The following ARHGEF18 variants were observed in gnomAD, a reference collection of about 807,000 sequenced individuals.
The protein encoded by ARHGEF18 is Rho/Rac guanine nucleotide exchange factor 18.
A neutral mutation model predicts 155.7 loss-of-function variants in ARHGEF18; 93 were observed. The ratio of observed to expected loss-of-function variants is 0.60; its 90% CI spans 0.50 to 0.71. The LOEUF (loss-of-function observed/expected upper bound fraction) is 0.71. ARHGEF18 is among the 30% of genes least tolerant of loss of function. ARHGEF18 has a pLI of 0.00. For missense variants in ARHGEF18, 1,593 were observed against 1,816.1 expected, an observed-to-expected ratio of 0.88 and a Z score of 2.23; for synonymous variants, 742 against 753.1, an observed-to-expected ratio of 0.99 and a Z score of 0.24.
chr19:7,364,342 A>AG (rs1378187510), intron 2 of ARHGEF18, among the ~76,000 whole-genome samples: 6 of 106,846 alleles, frequency 5.6e-5, no homozygotes, highest in African/African-American at 2.1e-4. Context: ...GATGAGAGGA[A>AG]GAAAGGAAGG....
In ARHGEF18 at chr19:7,436,820, G is replaced by T. The variant is rs1038578819; in HGVS notation, c.968-3524G>T. Among the ~76,000 whole-genome samples, 4 of 152,118 alleles carry T rather than the reference G, an allele frequency of 2.6e-5. No homozygotes were observed. In the East Asian group the frequency reaches 7.7e-4, roughly 29 times the overall value. On this transcript the variant is annotated intron_variant, in intron 10 of 28. Coordinates refer to ENST00000668164, the MANE Select transcript of ARHGEF18 (RefSeq NM_001367823.1). ...CCTGTCCTGGACCGTGTCGCCTTTG[G>T]TTTAGGATTCCTGTTTTTTTACATA...
At chr19:7,439,446 C>T (rs930476979) in intron 10 of ARHGEF18, among the ~76,000 whole-genome samples, 4 of 152,080 alleles carry the variant, frequency 2.6e-5, no homozygotes, top group Non-Finnish European at 4.4e-5. Flanking sequence ...GTGAGACTGT[C>T]TCTAAAAATA....
Position 7,470,153 on chromosome 19 carries a change from C to T in ARHGEF18, c.3941C>T (p.Pro1314Leu), listed in dbSNP as rs766327410. The T allele has an allele frequency of 6.8e-6, 11 of 1,609,088 alleles. No homozygotes were observed. Among genetic ancestry groups the T allele is most frequent in the Admixed American group, 3.4e-5 (2 of 59,628 alleles). ...PDPGFPAPSP[P>L]PADSPSEGFS... ...CCTGGCTTCCCCGCCCCGAGCCCAC[C>T]GCCAGCTGACAGCCCCTCCGAGGGC... The change falls in exon 29 of 29, where the codon CCG becomes CTG. Residue 1314 changes from proline (P) to leucine (L), a missense_variant. Physicochemically the swap from Pro to Leu is moderately conservative, Grantham distance 98. Transcript: ENST00000668164. This position sits in a 1 kb window ranked among gnomAD's most constrained non-coding sequence, Gnocchi z 5.9.
chr19:7,445,144 A>G (rs1027880865), intron 14 of ARHGEF18, among the ~76,000 whole-genome samples: 1 of 152,080 alleles, frequency 6.6e-6, no homozygotes, highest in African/African-American at 2.4e-5. Context: ...TATGCTTTCA[A>G]CCGTTCAAAG....
Position 7,471,727 on chromosome 19 carries a change from T to G in ARHGEF18, c.*1429T>G, listed in dbSNP as rs1028362405. ...GAAACTCCATCAGGAAGTGCTCCCC[T>G]GGGCAGAGGCGCCCACTGGGTGCTG... On this transcript the variant is annotated 3_prime_UTR_variant, in exon 29 of 29. Coordinates refer to ENST00000668164, the MANE Select transcript of ARHGEF18 (RefSeq NM_001367823.1). The surrounding 1 kb of genome is among the most constrained non-coding windows in gnomAD (Gnocchi z 4.4). 5 of 152,252 alleles carry G rather than the reference T, an allele frequency of 3.3e-5. No homozygotes were observed. Among genetic ancestry groups the G allele is most frequent in the Non-Finnish European group, 7.3e-5 (5 of 68,090 alleles). The allele number at this position is 152,252 out of a possible 1,614,324, so 9.4% of individuals were successfully genotyped here. A position where few individuals can be genotyped will look rare whatever the true frequency, so the allele number is the denominator to read the frequency against.
At position 7,444,122 on chromosome 19, in the gene ARHGEF18, G is replaced by A. The variant is rs1974841937; in HGVS notation, c.1361-82G>A. 3.2e-6 allele frequency: 5 copies of A among 1,556,126 alleles called. No individual in the cohort carries two copies. The highest frequency in any genetic ancestry group is 1.4e-5 in the African/African-American group (1 of 73,626). ...GAACTCTCAGAAGCCAGTTCAGCAC[G>A]TGAAGGGCAGGCAGCACCCACGACT... On this transcript the variant is annotated intron_variant, in intron 13 of 28. Coordinates refer to ENST00000668164, the MANE Select transcript of ARHGEF18 (RefSeq NM_001367823.1). The surrounding 1 kb of genome is among the most constrained non-coding windows in gnomAD (Gnocchi z 4.7).
At chr19:7,408,681 T>A (rs995675166) in intron 10 of ARHGEF18, among the ~76,000 whole-genome samples, 1 of 152,158 alleles carries the variant, frequency 6.6e-6, no homozygotes, top group African/African-American at 2.4e-5. Context: ...TCTAAGGGAG[T>A]AATGATCTGT....
At chr19:7,401,084 T>C (rs1232189760) in intron 10 of ARHGEF18, among the ~76,000 whole-genome samples, 6 of 152,198 alleles carry the variant, frequency 3.9e-5, no homozygotes, top group Non-Finnish European at 7.3e-5. Context: ...TGGGGATTAC[T>C]GGACTCATTA....
chr19:7,437,533 C>T (rs971486783), intron 10 of ARHGEF18, among the ~76,000 whole-genome samples: 2 of 152,052 alleles, frequency 1.3e-5, no homozygotes, highest in African/African-American at 2.4e-5. Flanking sequence ...TTTATAACTC[C>T]GTGTTCCCAA....
chr19:7,420,250 C>A (rs1973273300), intron 10 of ARHGEF18, among the ~76,000 whole-genome samples: 1 of 152,086 alleles, frequency 6.6e-6, no homozygotes, highest in Non-Finnish European at 1.5e-5. Flanking sequence ...GTGTATGCCA[C>A]CACGGCCAGC....
intron 10 of ARHGEF18, among the ~76,000 whole-genome samples, chr19:7,427,945 A>G (rs754742700): frequency 3.3e-5 from 5 of 152,168 alleles, no homozygotes; most frequent in Non-Finnish European, 7.4e-5. Flanking sequence ...CTCTGTCTCA[A>G]AAAAGAAAAA....
chr19:7,391,242 C>T (rs1283732023), intron 10 of ARHGEF18, among the ~76,000 whole-genome samples: 3 of 152,024 alleles, frequency 2.0e-5, no homozygotes, highest in African/African-American at 4.8e-5. Flanking sequence ...TCAAAGTCAA[C>T]GTGACAGTCT....
intron 1 of ARHGEF18, among the ~76,000 whole-genome samples, chr19:7,358,363 T>C (rs1007596562): frequency 5.3e-5 from 8 of 151,230 alleles, no homozygotes; most frequent in Admixed American, 6.6e-5. Flanking sequence ...CATCCACCCA[T>C]CCACTCATAC....
intron 2 of ARHGEF18, among the ~76,000 whole-genome samples, chr19:7,372,235 T>C (rs1970237946): frequency 6.6e-6 from 1 of 152,124 alleles, no homozygotes; most frequent in Admixed American, 6.6e-5. Context: ...CTTACCAACC[T>C]TGAGGAGTCA....
At chr19:7,399,306 G>C (rs76602402) in intron 10 of ARHGEF18, among the ~76,000 whole-genome samples, 1 of 152,036 alleles carries the variant, frequency 6.6e-6, no homozygotes. Flanking sequence ...GAGAGCATTC[G>C]GTGACAGCAG....
At chr19:7,448,188 T>C (rs1222997017) in intron 15 of ARHGEF18, among the ~76,000 whole-genome samples, 2 of 152,084 alleles carry the variant, frequency 1.3e-5, no homozygotes, top group Non-Finnish European at 2.9e-5. Flanking sequence ...AGATCCAGCC[T>C]GTCTTGCCTT....
intron 2 of ARHGEF18, among the ~76,000 whole-genome samples, chr19:7,369,951 C>T (rs1970123536): frequency 6.6e-6 from 1 of 152,030 alleles, no homozygotes; most frequent in Admixed American, 6.6e-5. Context: ...AACCCCAGCA[C>T]TTTCGGAGGC....
At chr19:7,430,085 T>G (rs929634010) in intron 10 of ARHGEF18, among the ~76,000 whole-genome samples, 7 of 152,176 alleles carry the variant, frequency 4.6e-5, no homozygotes. Flanking sequence ...CATTAATAAC[T>G]GATGACTAAA....
chr19:7,383,414 C>T, intron 10 of ARHGEF18: 1 of 440,530 alleles, frequency 2.3e-6, no homozygotes, highest in Non-Finnish European at 3.8e-6. Context: ...CCCTTTAAGT[C>T]TCAGCTTTTG....
Sources: gnomAD v4.1 joint callset for allele counts (sites outside exome capture counted in the v4.1 genomes callset) on GRCh38, gnomAD v4.1.1 for gene constraint, Gnocchi (gnomAD v3.1) non-coding constraint, MANE v1.5 for transcripts, NCBI Gene and HGNC (gene_info 2026-07-23, HGNC 2026-07-21) for gene names.